The following TASOR2 variants were observed in gnomAD, a reference collection of about 807,000 sequenced individuals.
TASOR2 encodes protein TASOR 2.
Under a neutral mutation model 199.5 loss-of-function variants are expected in TASOR2, and 84 were observed. The ratio of observed to expected loss-of-function variants is 0.42; its 90% CI spans 0.35 to 0.50. The LOEUF is 0.50. TASOR2 is among the 20% of genes least tolerant of loss of function. TASOR2 has a pLI of 0.02. For synonymous variants in TASOR2, 1,103 were observed against 1,046.6 expected (o/e 1.05, Z -1.04); for missense variants, 2,796 against 2,835.9 (o/e 0.99, Z 0.32).
chr10:5,761,914 G>A, intron 19 of TASOR2: 1 of 152,944 alleles, frequency 6.5e-6, no homozygotes, highest in Non-Finnish European at 1.5e-5. Context: ...CATGCCAGTA[G>A]TCCCAGCTAC....
In TASOR2 at chr10:5,748,090, A is replaced by G; in HGVS notation, c.4669A>G (p.Ile1557Val). The G allele has an allele frequency of 2.5e-6, 4 of 1,614,228 alleles. No homozygotes were observed. Among genetic ancestry groups the G allele is most frequent in the Non-Finnish European group, 3.4e-6 (4 of 1,180,026 alleles). The change falls in exon 15 of 21, where the codon ATA becomes GTA. Residue 1557 changes from isoleucine to valine, a missense_variant. This residue lies in a region of TASOR2 where 1,941 missense variants were observed against 1,924.9 expected (regional missense o/e 1.01). Transcript: ENST00000328090. This position sits in a 1 kb window ranked among gnomAD's most constrained non-coding sequence, Gnocchi z 5.1. ...AGGAAATCCATTGCAGCCAGTTAGT[A>G]TAGAGAATAGAAATTTGGACTTAAA...
At chr10:5,749,274 T>C (rs1243808567) in exon 15 of TASOR2, 1 of 1,614,096 alleles carries the variant, frequency 6.2e-7, no homozygotes, top group African/African-American at 1.3e-5. Context: ...CGAGTTTCAG[T>C]GCAAACTGTG....
chr10:5,704,004 A>G (rs1201891580), intron 1 of TASOR2, among the ~76,000 whole-genome samples: 1 of 151,720 alleles, frequency 6.6e-6, no homozygotes, highest in East Asian at 2.0e-4. Flanking sequence ...GGGTGGATCC[A>G]CCTGAGGTCA....
chr10:5,696,489 C>T (rs115208850), intron 1 of TASOR2, among the ~76,000 whole-genome samples: 2,071 of 152,178 alleles, frequency 0.014, 47 homozygotes, highest in African/African-American at 0.048. Context: ...CCTGGGTAGC[C>T]GGGAATACAG....
chr10:5,688,101 T>C (rs1835993717), intron 1 of TASOR2, among the ~76,000 whole-genome samples: 1 of 152,228 alleles, frequency 6.6e-6, no homozygotes, highest in Non-Finnish European at 1.5e-5. Flanking sequence ...TTGGTTGAAG[T>C]GCATGAAGAA....
chr10:5,731,593 A>AAT (rs1312543470), intron 11 of TASOR2, among the ~76,000 whole-genome samples: 1 of 152,242 alleles, frequency 6.6e-6, no homozygotes, highest in Non-Finnish European at 1.5e-5. Flanking sequence ...GCAGCTTTGC[A>AAT]GCATCAGTTA....
chr10:5,726,188 T>A lies in TASOR2; in HGVS notation c.352-697T>A, dbSNP rs549746979. Among the ~76,000 whole-genome samples, 3 of 152,336 alleles carry A rather than the reference T, an allele frequency of 2.0e-5. No individual in the cohort carries two copies. In the East Asian group the frequency reaches 5.8e-4, roughly 29 times the overall value. ...GGTAAGCAGTGGAAAAGAAAAACTA[T>A]TAAATTCATGATTTAGAACAACAGC... On this transcript the variant is annotated intron_variant, in intron 8 of 20. Coordinates refer to ENST00000328090, the Ensembl canonical transcript of TASOR2.
intron 1 of TASOR2, chr10:5,709,703 A>G (rs1350477240): frequency 8.2e-7 from 1 of 1,219,202 alleles, no homozygotes; most frequent in African/African-American, 1.6e-5. Context: ...TAACTAATGA[A>G]TCCAGAATAG....
chr10:5,735,397 C>A lies in TASOR2; in HGVS notation c.1298C>A (p.Thr433Lys), dbSNP rs760034129. 2.5e-6 allele frequency: 4 copies of A among 1,613,964 alleles called. No individual in the cohort carries two copies. The East Asian group carries it at 8.9e-5, about 36-fold the overall frequency. ...ATTTCTAAAGATGTTCCAGTGCCAACAAATGCTAAAAGGGCAAGGAAACAA... is the reference window on the plus strand; with the variant it reads ...ATTTCTAAAGATGTTCCAGTGCCAAAAAATGCTAAAAGGGCAAGGAAACAA... Residue 433 changes from threonine to lysine, a missense_variant, in exon 12 of 21, where the codon ACA becomes AAA. By Grantham distance (78) the Thr-to-Lys change is moderately conservative. This residue lies in a region of TASOR2 where 847 missense variants were observed against 887.4 expected (regional missense o/e 0.95). Coordinates refer to ENST00000328090, the Ensembl canonical transcript of TASOR2.
Position 5,731,212 on chromosome 10 carries a change from G to A in TASOR2, c.1204+9G>A, listed in dbSNP as rs755080703. ...TCAGAAAAGAAAAAGAGGTAAGCAC[G>A]ATTTATTTATGTGGGTTATTATAAT... On this transcript the variant is annotated intron_variant, in intron 11 of 20. Coordinates refer to ENST00000328090, the Ensembl canonical transcript of TASOR2. 4 of 1,595,090 alleles carry A rather than the reference G, an allele frequency of 2.5e-6. No homozygotes were observed. The highest frequency in any genetic ancestry group is 2.2e-5 in the East Asian group (1 of 44,822).
intron 11 of TASOR2, among the ~76,000 whole-genome samples, chr10:5,732,544 GT>G (rs947177662): frequency 2.0e-5 from 3 of 152,074 alleles, no homozygotes; most frequent in African/African-American, 4.8e-5. Context: ...ACCCTATGGA[GT>G]TTTTTTTGTT....
rs571824041 is a variant in TASOR2 at position 5,739,483 on chromosome 10, T to C, written c.1448-135T>C. ...AGGGTTGGAAGAGACCTTAATCTAA[T>C]AGAAAATTTTAATATGCAATATATG... On this transcript the variant is annotated intron_variant, in intron 12 of 20. Transcript: ENST00000328090. 6.4e-6 allele frequency: 5 copies of C among 783,668 alleles called. No individual in the cohort carries two copies. The East Asian group carries it at 1.1e-4, about 17-fold the overall frequency. The allele number at this position is 783,668 out of a possible 1,614,324, so 48.5% of individuals were successfully genotyped here.
intron 1 of TASOR2, chr10:5,693,066 A>C (rs916977683): frequency 1.3e-5 from 2 of 152,412 alleles, no homozygotes; most frequent in African/African-American, 4.8e-5. Context: ...TATTCTGTCT[A>C]GTAACGTTTT....
Position 5,748,548 on chromosome 10 carries a change from T to A in TASOR2, c.5127T>A (p.Gly1709=). The A allele has an allele frequency of 6.2e-7, 1 of 1,613,344 alleles. No individual in the cohort carries two copies. Among genetic ancestry groups the A allele is most frequent in the Non-Finnish European group, 8.5e-7 (1 of 1,180,026 alleles). Residue 1709 remains glycine, a synonymous_variant, in exon 15 of 21, where the codon GGT becomes GGA. Coordinates refer to ENST00000328090, the Ensembl canonical transcript of TASOR2. The surrounding 1 kb of genome is among the most constrained non-coding windows in gnomAD (Gnocchi z 5.1). ...CTGAGTTACATAAAGAAACCACAGGTCCAGGCACTGCTGGCCCTCAGTCCA... is the reference window on the plus strand; with the variant it reads ...CTGAGTTACATAAAGAAACCACAGGACCAGGCACTGCTGGCCCTCAGTCCA...
chr10:5,705,717 CTAA>C (rs1838501491), intron 1 of TASOR2, among the ~76,000 whole-genome samples: 1 of 152,104 alleles, frequency 6.6e-6, no homozygotes, highest in African/African-American at 2.4e-5. Context: ...TCCCTGATAA[CTAA>C]TAATATTGAC....
At chr10:5,734,940 C>T (rs568531298) in intron 11 of TASOR2, among the ~76,000 whole-genome samples, 5 of 151,828 alleles carry the variant, frequency 3.3e-5, no homozygotes, top group Non-Finnish European at 5.9e-5. Flanking sequence ...GCAGTCCGTC[C>T]GTCATGGCCC....
intron 2 of TASOR2, 24 bp from the exon 4 acceptor site, chr10:5,717,635 A>G: frequency 9.6e-7 from 1 of 1,041,272 alleles, no homozygotes; most frequent in Non-Finnish European, 1.2e-6. Context: ...TCTGCTGCTT[A>G]ATCTATATTT....
chr10:5,700,965 CAGA>C (rs902286176), intron 1 of TASOR2, among the ~76,000 whole-genome samples: 5 of 63,426 alleles, frequency 7.9e-5, no homozygotes, highest in Non-Finnish European at 1.1e-4. Flanking sequence ...CTTTGCTGTG[CAGA>C]AGCTTTTTTT....
intron 2 of TASOR2, chr10:5,714,466 A>G (rs1158442994): frequency 3.4e-6 from 1 of 293,802 alleles, no homozygotes; most frequent in Non-Finnish European, 6.2e-6. Context: ...AGAATAGAAA[A>G]TAGAGCTGAC....
Sources: gnomAD v4.1 joint callset for allele counts (sites outside exome capture counted in the v4.1 genomes callset) on GRCh38, gnomAD v4.1.1 for gene constraint, gnomAD v4.1.1 regional missense constraint, Gnocchi (gnomAD v3.1) non-coding constraint, MANE v1.5 for transcripts, NCBI Gene and HGNC (gene_info 2026-07-23, HGNC 2026-07-21) for gene names.